The following KIAA1549 variants were observed in gnomAD, a reference collection of about 807,000 sequenced individuals.
KIAA1549 encodes the protein UPF0606 protein KIAA1549.
Under a neutral mutation model 156.4 loss-of-function variants are expected in KIAA1549, and 70 were observed. The ratio of observed to expected loss-of-function variants is 0.45; its 90% CI spans 0.37 to 0.55. The LOEUF (loss-of-function observed/expected upper bound fraction) is 0.55. Ranked by LOEUF, KIAA1549 falls within the 20% of genes least tolerant of loss-of-function variation. The pLI is 0.00. For missense variants in KIAA1549, 2,428 were observed against 2,540.9 expected, an observed-to-expected ratio of 0.96 and a Z score of 0.96; for synonymous variants, 1,103 against 1,066.4, an observed-to-expected ratio of 1.03 and a Z score of -0.67.
chr7:138,966,854 A>G (rs573974978), intron 1 of KIAA1549, among the ~76,000 whole-genome samples: 74 of 152,274 alleles, frequency 4.9e-4, no homozygotes, highest in African/African-American at 1.4e-3. Flanking sequence ...GCACCTTTGG[A>G]GGAAGCACAG....
In KIAA1549 at chr7:138,918,516, G is replaced by C. The variant is rs888973747; in HGVS notation, c.1110C>G (p.Ser370=). 14 of 1,613,916 alleles carry C rather than the reference G, an allele frequency of 8.7e-6. No homozygotes were observed. The highest frequency in any genetic ancestry group is 4.0e-5 in the African/African-American group (3 of 74,932). ...PLLSTPLAFA[S]SASPTDVSSN... Reference sequence around the variant, plus strand: ...ATGAAACATCAGTTGGTGAAGCAGAGGACGCAAATGCAAGAGGAGTTGAAA... The same window carrying C: ...ATGAAACATCAGTTGGTGAAGCAGACGACGCAAATGCAAGAGGAGTTGAAA... The change falls in exon 2 of 20, where the codon TCC becomes TCG. Residue 370 remains serine, a synonymous_variant. Coordinates refer to ENST00000422774, the MANE Select transcript of KIAA1549 (RefSeq NM_001164665.2). This position sits in a 1 kb window ranked among gnomAD's most constrained non-coding sequence, Gnocchi z 4.2.
intron 1 of KIAA1549, among the ~76,000 whole-genome samples, chr7:138,943,340 GGGC>G (rs2130526992): frequency 6.6e-6 from 1 of 152,290 alleles, no homozygotes; most frequent in South Asian, 2.1e-4. Context: ...CTAGAGCCCT[GGGC>G]TGTCTGCCCC....
In KIAA1549 at chr7:138,974,017, C is replaced by G. The variant is rs542817864; in HGVS notation, c.187+7066G>C. Among the ~76,000 whole-genome samples the G allele has an allele frequency of 1.6e-4, 25 of 152,342 alleles. No individual in the cohort carries two copies. In the East Asian group the frequency reaches 4.8e-3, roughly 29 times the overall value. ...ATGAATGTACAGGTGATAGTCAACA[C>G]AGTTAACAGCAGTGGAGCACGAGCA... On this transcript the variant is annotated intron_variant, in intron 1 of 19. Transcript: ENST00000422774.
At position 138,917,155 on chromosome 7, in the gene KIAA1549, A is replaced by T. The variant is rs750713293; in HGVS notation, c.2471T>A (p.Val824Asp). ...QISALDGHVS[V>D]LASFSKAIPT... ...AATGGCTTTGGAGAAAGAGGCCAGG[A>T]CAGACACGTGACCGTCTAGAGCACT... The change falls in exon 2 of 20, where the codon GTC becomes GAC. Residue 824 changes from valine (V) to aspartate (D), a missense_variant. By Grantham distance (152) the Val-to-Asp change is radical (BLOSUM62 -3). This residue lies in a region of KIAA1549 where 762 missense variants were observed against 901.6 expected (regional missense o/e 0.85). Coordinates refer to ENST00000422774, the MANE Select transcript of KIAA1549 (RefSeq NM_001164665.2). 3.1e-6 allele frequency: 5 copies of T among 1,613,898 alleles called. No homozygotes were observed. The Admixed American group carries it at 8.3e-5, about 27-fold the overall frequency.
At chr7:138,871,914 C>T (rs574555927) in intron 12 of KIAA1549, among the ~76,000 whole-genome samples, 38 of 152,312 alleles carry the variant, frequency 2.5e-4, no homozygotes, top group South Asian at 1.0e-3. Context: ...GGAAAGAAAA[C>T]GAAGTTGAAG....
At chr7:138,904,501 C>T (rs1301528034) in intron 7 of KIAA1549, among the ~76,000 whole-genome samples, 1 of 151,968 alleles carries the variant, frequency 6.6e-6, no homozygotes. Context: ...AGTTCCTGTG[C>T]TGCATGCACA....
chr7:138,969,003 C>A (rs1814131663), intron 1 of KIAA1549, among the ~76,000 whole-genome samples: 1 of 151,792 alleles, frequency 6.6e-6, no homozygotes, highest in Non-Finnish European at 1.5e-5. Context: ...TCACAGGAGT[C>A]TGTTGTACAT....
At chr7:138,940,683 C>T (rs999579181) in intron 1 of KIAA1549, among the ~76,000 whole-genome samples, 12 of 152,152 alleles carry the variant, frequency 7.9e-5, no homozygotes, top group African/African-American at 2.7e-4. Flanking sequence ...CCTGTTGTGT[C>T]CTGACTTTTT....
chr7:138,914,858 A>T (rs1012095114), intron 2 of KIAA1549, among the ~76,000 whole-genome samples: 1 of 152,234 alleles, frequency 6.6e-6, no homozygotes, highest in African/African-American at 2.4e-5. Flanking sequence ...AGTGTACACC[A>T]CATATGAAAG....
intron 1 of KIAA1549, among the ~76,000 whole-genome samples, chr7:138,939,803 T>A (rs1813122143): frequency 6.6e-6 from 1 of 152,130 alleles, no homozygotes; most frequent in South Asian, 2.1e-4. Context: ...GATCACTGCC[T>A]CCATCCATTA....
chr7:138,915,744 A>C, intron 2 of KIAA1549, among the ~76,000 whole-genome samples: 1 of 150,488 alleles, frequency 6.6e-6, no homozygotes, highest in Non-Finnish European at 1.5e-5. Context: ...TCTGTCCTCC[A>C]CTCCTACCAA....
chr7:138,878,852 A>AAATAC (rs1811163619), intron 12 of KIAA1549, among the ~76,000 whole-genome samples: 1 of 152,100 alleles, frequency 6.6e-6, no homozygotes, highest in Non-Finnish European at 1.5e-5. Flanking sequence ...AACCTCCAGC[A>AAATAC]AATACAACAG....
intron 13 of KIAA1549, among the ~76,000 whole-genome samples, chr7:138,870,348 AG>A (rs1810891507): frequency 6.6e-6 from 1 of 152,132 alleles, no homozygotes; most frequent in Non-Finnish European, 1.5e-5. Flanking sequence ...CCCCCAAAGC[AG>A]GGAAAAAAAG....
intron 1 of KIAA1549, among the ~76,000 whole-genome samples, chr7:138,925,206 C>A (rs1308957264): frequency 6.6e-6 from 1 of 152,204 alleles, no homozygotes; most frequent in African/African-American, 2.4e-5. Context: ...GTCTCCAACA[C>A]TTGTCTGTCT....
In KIAA1549 at chr7:138,918,875, C is replaced by A; in HGVS notation, c.751G>T (p.Val251Leu). Reference sequence around the variant, plus strand: ...CTGTAAGCATCAGTAGGATAAAGCACCAAATTCCTGCCAGGAGTTGGAACG... The same window carrying A: ...CTGTAAGCATCAGTAGGATAAAGCAACAAATTCCTGCCAGGAGTTGGAACG... ...GIVPTPGRNL[V>L]LYPTDAYSHL... Residue 251 changes from valine (V) to leucine (L), a missense_variant, in exon 2 of 20, where the codon GTG (valine) becomes TTG (leucine). Val to Leu is a conservative substitution (Grantham distance 32, BLOSUM62 1). Coordinates refer to ENST00000422774, the MANE Select transcript of KIAA1549 (RefSeq NM_001164665.2). This position sits in a 1 kb window ranked among gnomAD's most constrained non-coding sequence, Gnocchi z 4.2. 2.5e-6 allele frequency: 4 copies of A among 1,614,004 alleles called. No homozygotes were observed. Among genetic ancestry groups the A allele is most frequent in the Non-Finnish European group, 3.4e-6 (4 of 1,179,890 alleles).
At chr7:138,888,918 G>A (rs1225963312) in intron 10 of KIAA1549, among the ~76,000 whole-genome samples, 1 of 152,200 alleles carries the variant, frequency 6.6e-6, no homozygotes, top group African/African-American at 2.4e-5. Flanking sequence ...ATTCACAGCT[G>A]ATGATAAAAA....
rs369654181 is a variant in KIAA1549, at chr7:138,861,407, A to T, written c.4979T>A (p.Leu1660Gln). ...GAAGGGAAGGGCTGGATACCTCCCC[A>T]GTTCCACCGAGGATGGTGTCTGCAC... ...ADVQTPSSVE[L>Q]GRYPALPFPA... The change falls in exon 16 of 20, where the codon CTG (leucine) becomes CAG (glutamine). Residue 1660 changes from leucine to glutamine, a missense_variant. Physicochemically the swap from Leu to Gln is moderately radical, Grantham distance 113. Transcript: ENST00000422774. 1 of 1,612,292 alleles carries T rather than the reference A, an allele frequency of 6.2e-7. No homozygotes were observed. The highest frequency in any genetic ancestry group is 8.5e-7 in the Non-Finnish European group (1 of 1,179,360).
rs112263100 is a variant in KIAA1549, at chr7:138,918,916, C to G, written c.710G>C (p.Arg237Pro). The G allele has an allele frequency of 7.4e-6, 12 of 1,613,856 alleles. No individual in the cohort carries two copies. In the African/African-American group the frequency reaches 1.6e-4, roughly 22 times the overall value. Residue 237 changes from arginine to proline, a missense_variant, in exon 2 of 20, where the codon CGC (arginine) becomes CCC (proline). By Grantham distance (103) the Arg-to-Pro change is moderately radical (BLOSUM62 -2). This residue lies in a region of KIAA1549 where 893 missense variants were observed against 847.9 expected (regional missense o/e 1.05). Transcript: ENST00000422774. The surrounding 1 kb of genome is among the most constrained non-coding windows in gnomAD (Gnocchi z 4.2). ...SHFHTFRSAF[R>P]TSEGIVPTPG... Reference sequence around the variant, plus strand: ...AGTTGGAACGATGCCCTCAGAGGTGCGAAAAGCTGACCGAAAGGTGTGGAA... The same window carrying G: ...AGTTGGAACGATGCCCTCAGAGGTGGGAAAAGCTGACCGAAAGGTGTGGAA...
chr7:138,960,287 T>TTTTTTTTATTTA (rs1554428333), intron 1 of KIAA1549, among the ~76,000 whole-genome samples: 11 of 90,168 alleles, frequency 1.2e-4, no homozygotes, highest in African/African-American at 5.4e-4. Flanking sequence ...ATAAATTTTA[T>TTTTTTTTATTTA]TTTATTGATT....
Sources: allele counts gnomAD v4.1 joint callset (sites outside exome capture counted in the v4.1 genomes callset), GRCh38; gene constraint gnomAD v4.1.1; regional missense constraint gnomAD v4.1.1; non-coding constraint Gnocchi (gnomAD v3.1); transcripts MANE v1.5; gene names NCBI Gene and HGNC (gene_info 2026-07-23, HGNC 2026-07-21).